ITGA9: variants seen among roughly 807,000 people sequenced by gnomAD.
ITGA9 encodes the protein integrin alpha-9.
Under a neutral mutation model 127.8 loss-of-function variants are expected in ITGA9, and 56 were observed. The ratio of observed to expected loss-of-function variants is 0.44; its 90% CI spans 0.35 to 0.55. The LOEUF (loss-of-function observed/expected upper bound fraction) is 0.55. ITGA9 is among the 20% of genes least tolerant of loss of function. The probability of loss-of-function intolerance (pLI) is 0.00; values close to 1 mark genes in which losing one functional copy is unlikely to be tolerated. For synonymous variants in ITGA9, 508 were observed against 514.5 expected, an observed-to-expected ratio of 0.99 and a Z score of 0.17; for missense variants, 1,196 against 1,347.1, an observed-to-expected ratio of 0.89 and a Z score of 1.76.
At chr3:37,715,340 A>G (rs920502727) in intron 18 of ITGA9, among the ~76,000 whole-genome samples, 4 of 152,244 alleles carry the variant, frequency 2.6e-5, no homozygotes, top group African/African-American at 9.6e-5. Context: ...ACAGGGAGGT[A>G]CTTAAGGCAC....
intron 17 of ITGA9, among the ~76,000 whole-genome samples, chr3:37,669,461 C>T (rs1345884027): frequency 5.3e-5 from 8 of 152,218 alleles, no homozygotes; most frequent in African/African-American, 1.7e-4. Flanking sequence ...CAACAGATCC[C>T]TGGATCTCTG....
At chr3:37,715,981 G>T (rs538136670) in intron 18 of ITGA9, among the ~76,000 whole-genome samples, 1 of 152,346 alleles carries the variant, frequency 6.6e-6, no homozygotes, top group African/African-American at 2.4e-5. Context: ...TCAAAGGGAA[G>T]GAGGCCAAAC....
Position 37,683,744 on chromosome 3 carries a change from G to A in ITGA9, c.1917-121G>A. 4.1e-6 allele frequency: 4 copies of A among 976,196 alleles called. No individual in the cohort carries two copies. The South Asian group carries it at 4.1e-5, about 10-fold the overall frequency. The allele number at this position is 976,196 out of a possible 1,614,324, so 60.5% of individuals were successfully genotyped here. On this transcript the variant is annotated intron_variant, in intron 17 of 27. Transcript: ENST00000264741. ...CCAAGGACACATGGCTAGTTAATGG[G>A]GCTCCTGGAACTTGTAGTTCTGATC... is the stretch of plus-strand genomic sequence containing the variant.
rs948589688 is a variant in ITGA9, at chr3:37,668,942, G to A, written c.1917-14923G>A. On this transcript the variant is annotated intron_variant, in intron 17 of 27. Coordinates refer to ENST00000264741, the MANE Select transcript of ITGA9 (RefSeq NM_002207.3). ...ATTGCAGTGAGAGGGAAGGTACCTTGTAGAAAACCTCTAGATTTTATGAGC... is the reference window on the plus strand; with the variant it reads ...ATTGCAGTGAGAGGGAAGGTACCTTATAGAAAACCTCTAGATTTTATGAGC... Among the ~76,000 whole-genome samples, 3 of 152,228 alleles carry A rather than the reference G, an allele frequency of 2.0e-5. No homozygotes were observed. In the East Asian group the frequency reaches 5.8e-4, roughly 29 times the overall value.
rs987746540 is a variant in ITGA9 at position 37,683,936 on chromosome 3, A to G, written c.1988A>G (p.Asn663Ser). Residue 663 changes from asparagine (N) to serine (S), a missense_variant, in exon 18 of 28, where the codon AAC becomes AGC. Asn to Ser is a conservative substitution (Grantham distance 46, BLOSUM62 1). Transcript: ENST00000264741. The part of the protein sequence containing the change: ...KNISLNISIS[N>S]LGDDAYDANV... ...ATCTCCCTAAACATCTCTATCTCCA[A>G]CCTCGGAGATGATGCCTATGATGCC... is the stretch of plus-strand genomic sequence containing the variant. The G allele has an allele frequency of 6.2e-6, 10 of 1,613,630 alleles. No homozygotes were observed. The highest frequency in any genetic ancestry group is 4.0e-5 in the African/African-American group (3 of 74,820).
intron 5 of ITGA9, among the ~76,000 whole-genome samples, chr3:37,500,789 T>C (rs1444115942): frequency 6.6e-6 from 1 of 152,142 alleles, no homozygotes; most frequent in Non-Finnish European, 1.5e-5. Context: ...TTCTGAAATA[T>C]ATGTGGGTGA....
chr3:37,470,855 C>A, intron 1 of ITGA9, 152 bp from the exon 2 acceptor site: 3 of 760,526 alleles, frequency 3.9e-6, no homozygotes, highest in South Asian at 1.5e-5. Context: ...CACTTTAGGA[C>A]CTCTCCCCCA....
At chr3:37,497,684 G>A (rs1016623858) in intron 5 of ITGA9, among the ~76,000 whole-genome samples, 3 of 152,118 alleles carry the variant, frequency 2.0e-5, no homozygotes, top group Non-Finnish European at 4.4e-5. Flanking sequence ...CCATCCTGCC[G>A]TGTGGCGACT....
At chr3:37,480,039 G>A (rs549665979) in intron 3 of ITGA9, among the ~76,000 whole-genome samples, 6 of 152,160 alleles carry the variant, frequency 3.9e-5, no homozygotes, top group Non-Finnish European at 8.8e-5. Flanking sequence ...TTCACTGGCT[G>A]GGGTGAAGTG....
At chr3:37,570,527 C>T (rs1196298573) in intron 15 of ITGA9, among the ~76,000 whole-genome samples, 1 of 152,136 alleles carries the variant, frequency 6.6e-6, no homozygotes, top group African/African-American at 2.4e-5. Context: ...ATCAGACTCA[C>T]TTGAGAGTAT....
chr3:37,697,944 C>T (rs1441324824), intron 18 of ITGA9, among the ~76,000 whole-genome samples: 1 of 152,202 alleles, frequency 6.6e-6, no homozygotes, highest in Non-Finnish European at 1.5e-5. Flanking sequence ...AGTTGACAGT[C>T]CCACCAACAG....
At chr3:37,490,692 C>A (rs939949072) in intron 4 of ITGA9, among the ~76,000 whole-genome samples, 2 of 151,960 alleles carry the variant, frequency 1.3e-5, no homozygotes, top group Non-Finnish European at 2.9e-5. Flanking sequence ...CATTGAGTTG[C>A]GGATTGTGAA....
chr3:37,773,247 A>T (rs1173978541), intron 23 of ITGA9, among the ~76,000 whole-genome samples: 1 of 152,226 alleles, frequency 6.6e-6, no homozygotes, highest in African/African-American at 2.4e-5. Context: ...TGCATCCTGC[A>T]GGGCTCAGAG....
intron 15 of ITGA9, among the ~76,000 whole-genome samples, chr3:37,558,037 G>A (rs1244780073): frequency 6.6e-6 from 1 of 152,198 alleles, no homozygotes; most frequent in East Asian, 1.9e-4. Flanking sequence ...TTTCTGGGTG[G>A]ATTGGTGCTA....
chr3:37,800,552 G>T (rs73825424), intron 26 of ITGA9, among the ~76,000 whole-genome samples: 1,830 of 152,242 alleles, frequency 0.012, 43 homozygotes, highest in African/African-American at 0.042. Flanking sequence ...TTAAGGGCAG[G>T]AACCCAAAGA....
intron 16 of ITGA9, among the ~76,000 whole-genome samples, chr3:37,633,555 G>T (rs1700247411): frequency 6.6e-6 from 1 of 152,118 alleles, no homozygotes; most frequent in South Asian, 2.1e-4. Flanking sequence ...GGTTGTATGG[G>T]TACTCACCAT....
At chr3:37,614,269 A>G (rs577625347) in intron 15 of ITGA9, among the ~76,000 whole-genome samples, 2 of 152,046 alleles carry the variant, frequency 1.3e-5, no homozygotes, top group African/African-American at 4.8e-5. Context: ...AAGATCAGAT[A>G]GTTGTAGATA....
intron 18 of ITGA9, among the ~76,000 whole-genome samples, chr3:37,714,751 A>C (rs994024506): frequency 6.6e-6 from 1 of 152,192 alleles, no homozygotes; most frequent in African/African-American, 2.4e-5. Flanking sequence ...TAGTCCCAGC[A>C]GTCTGTGTTT....
intron 5 of ITGA9, among the ~76,000 whole-genome samples, chr3:37,497,195 T>G (rs1579065334): frequency 6.6e-6 from 1 of 152,350 alleles, no homozygotes; most frequent in East Asian, 1.9e-4. Context: ...TTGTTACATA[T>G]TTTCAACAGT....
Sources: gnomAD v4.1 joint callset for allele counts (sites outside exome capture counted in the v4.1 genomes callset) on GRCh38, gnomAD v4.1.1 for gene constraint, MANE v1.5 for transcripts, NCBI Gene and HGNC (gene_info 2026-07-23, HGNC 2026-07-21) for gene names.